The following TFEC variants were observed in gnomAD, a reference collection of about 807,000 sequenced individuals.
The protein encoded by TFEC is class E basic helix-loop-helix protein 34.
TFEC carries 31 observed loss-of-function variants against 41.6 expected under a neutral mutation model. The ratio of observed to expected loss-of-function variants is 0.74; its 90% confidence interval spans 0.56 to 1.01. TFEC has a LOEUF of 1.01. TFEC is among the 50% of genes least tolerant of loss of function. The pLI is 0.00. For synonymous variants in TFEC, 143 were observed against 140.6 expected (o/e 1.02, Z -0.12); for missense variants, 402 against 404.1 (o/e 0.99, Z 0.04).
chr7:116,022,032 C>T (rs1795416818), intron 1 of TFEC, among the ~76,000 whole-genome samples: 2 of 152,098 alleles, frequency 1.3e-5, no homozygotes, highest in Admixed American at 6.6e-5. Flanking sequence ...ATGAAAGGCA[C>T]AAGGGGAAGG....
At chr7:115,951,783 G>C (rs1791956847) in intron 5 of TFEC, among the ~76,000 whole-genome samples, 1 of 151,822 alleles carries the variant, frequency 6.6e-6, no homozygotes, top group African/African-American at 2.4e-5. Context: ...TTCTCTTTTT[G>C]CATTTCCATA....
chr7:116,044,184 A>G (rs1280766946), intron 3 of TFEC, among the ~76,000 whole-genome samples: 1 of 152,200 alleles, frequency 6.6e-6, no homozygotes, highest in Non-Finnish European at 1.5e-5. Context: ...GACTTGCCCT[A>G]AGAAAGGCAG....
intron 3 of TFEC, among the ~76,000 whole-genome samples, chr7:116,074,374 T>G (rs1796906253): frequency 6.6e-6 from 1 of 152,004 alleles, no homozygotes; most frequent in African/African-American, 2.4e-5. Flanking sequence ...CAAGGGGCTT[T>G]TATCCAAAAT....
chr7:116,040,763 T>C (rs948330202), intron 3 of TFEC, among the ~76,000 whole-genome samples: 1 of 152,182 alleles, frequency 6.6e-6, no homozygotes, highest in African/African-American at 2.4e-5. Flanking sequence ...GCCCCATCTC[T>C]GCCATTTGGG....
At chr7:116,086,831 T>C (rs1797213898) in intron 3 of TFEC, among the ~76,000 whole-genome samples, 1 of 151,968 alleles carries the variant, frequency 6.6e-6, no homozygotes. Flanking sequence ...ATGGAAATTG[T>C]ATAATTATGC....
At chr7:115,953,026 AC>A (rs1792029417) in intron 5 of TFEC, among the ~76,000 whole-genome samples, 2 of 152,054 alleles carry the variant, frequency 1.3e-5, no homozygotes, top group Non-Finnish European at 2.9e-5. Context: ...AGAACATGAC[AC>A]CGATGTGCTC....
At chr7:116,138,008 C>T (rs1798467355) in intron 1 of TFEC, among the ~76,000 whole-genome samples, 1 of 152,024 alleles carries the variant, frequency 6.6e-6, no homozygotes, top group Admixed American at 6.6e-5. Flanking sequence ...TAACCATGCA[C>T]TTTATATGTG....
At chr7:116,067,436 A>G (rs892005519) in intron 3 of TFEC, among the ~76,000 whole-genome samples, 1 of 152,030 alleles carries the variant, frequency 6.6e-6, no homozygotes, top group East Asian at 1.9e-4. Flanking sequence ...TGAAACAAGA[A>G]ATGAAAACAA....
chr7:115,974,044 T>C lies in TFEC; in HGVS notation c.267+126A>G, dbSNP rs1399023345. ...TTCTGCACCAATAAATATTTTCTAG[T>C]ATTCATCTTTTATCTTGTCTGTTTA... is the stretch of plus-strand genomic sequence containing the variant. On this transcript the variant is annotated intron_variant, in intron 3 of 7. Coordinates refer to ENST00000265440, the MANE Select transcript of TFEC (RefSeq NM_012252.4). 4 of 674,090 alleles carry C rather than the reference T, an allele frequency of 5.9e-6. No individual in the cohort carries two copies. In the Admixed American group the frequency reaches 1.0e-4, roughly 18 times the overall value. 41.8% of individuals were successfully genotyped at this position (674,090 alleles called of 1,614,324 possible). A position where few individuals can be genotyped will look rare whatever the true frequency, so the allele number is the denominator to read the frequency against.
chr7:116,033,396 T>G (rs534312518), upstream of TFEC, among the ~76,000 whole-genome samples: 1 of 152,230 alleles, frequency 6.6e-6, no homozygotes, highest in African/African-American at 2.4e-5. Flanking sequence ...AAACTAATAG[T>G]ACCTAGAGCA....
At chr7:116,078,190 A>G (rs1276887485) in intron 3 of TFEC, among the ~76,000 whole-genome samples, 1 of 151,752 alleles carries the variant, frequency 6.6e-6, no homozygotes, top group African/African-American at 2.4e-5. Flanking sequence ...TGGGTCAACA[A>G]TGAAAGAGGA....
intron 3 of TFEC, among the ~76,000 whole-genome samples, chr7:116,077,259 A>C (rs578059857): frequency 8.5e-5 from 13 of 152,334 alleles, no homozygotes; most frequent in Non-Finnish European, 1.0e-4. Context: ...CCAGTACTAC[A>C]AGAACTGCTA....
chr7:116,103,530 T>A (rs1212033648), intron 3 of TFEC, among the ~76,000 whole-genome samples: 1 of 152,160 alleles, frequency 6.6e-6, no homozygotes, highest in Non-Finnish European at 1.5e-5. Context: ...TTTCCTTATA[T>A]CTTTCACTGA....
At chr7:116,065,168 C>G (rs1796665237) in intron 3 of TFEC, among the ~76,000 whole-genome samples, 1 of 152,044 alleles carries the variant, frequency 6.6e-6, no homozygotes. Flanking sequence ...AATCTGAAGG[C>G]AAAGGTATAA....
rs896500760 is a variant in TFEC, at chr7:115,935,442, C to T, written c.*5109G>A. ...TATTAAAGTCAAAGATTTTTAACTA[C>T]ATAATAATTATTAAGATTAAATAGC... On this transcript the variant is annotated 3_prime_UTR_variant, in exon 8 of 8. Transcript: ENST00000265440. 1 of 151,966 alleles carries T rather than the reference C, an allele frequency of 6.6e-6. No individual in the cohort carries two copies. Among genetic ancestry groups the T allele is most frequent in the African/African-American group, 2.4e-5 (1 of 41,392 alleles). 9.4% of individuals were successfully genotyped at this position (151,966 alleles called of 1,614,324 possible). A position where few individuals can be genotyped will look rare whatever the true frequency, so the allele number is the denominator to read the frequency against.
chr7:116,079,738 G>A (rs569348669), intron 3 of TFEC, among the ~76,000 whole-genome samples: 100 of 152,170 alleles, frequency 6.6e-4, no homozygotes, highest in African/African-American at 2.2e-3. Flanking sequence ...TCAATATTGT[G>A]AAAATGACCA....
intron 3 of TFEC, among the ~76,000 whole-genome samples, chr7:115,960,309 C>T (rs1792471178): frequency 1.3e-5 from 2 of 151,534 alleles, no homozygotes; most frequent in South Asian, 2.1e-4. Flanking sequence ...GTCATTCACA[C>T]ATGAGGCCAT....
intron 1 of TFEC, among the ~76,000 whole-genome samples, chr7:116,127,328 T>G (rs1798233350): frequency 6.6e-6 from 1 of 152,034 alleles, no homozygotes; most frequent in South Asian, 2.1e-4. Flanking sequence ...CGTAATCCCC[T>G]TGCCTCGGCC....
intron 1 of TFEC, among the ~76,000 whole-genome samples, chr7:116,113,714 A>T (rs1797907856): frequency 1.3e-5 from 2 of 152,050 alleles, no homozygotes; most frequent in African/African-American, 4.8e-5. Context: ...GTGTGAGCTC[A>T]ATTATTAGTT....
Sources: allele counts gnomAD v4.1 joint callset (sites outside exome capture counted in the v4.1 genomes callset), GRCh38; gene constraint gnomAD v4.1.1; transcripts MANE v1.5; gene names NCBI Gene and HGNC (gene_info 2026-07-23, HGNC 2026-07-21).